The following ABLIM1 variants were observed in gnomAD, a reference collection of about 807,000 sequenced individuals.
ABLIM1 encodes actin-binding LIM protein 1.
In ABLIM1, 40 loss-of-function variants were observed where a neutral mutation model predicts 107.0. That is an observed-to-expected ratio of 0.37 (90% CI 0.29 to 0.49). ABLIM1 has a LOEUF of 0.49. Among genes scored for constraint, ABLIM1 ranks in the 20% least tolerant of loss-of-function variants. ABLIM1 has a pLI of 0.97. For missense variants in ABLIM1, 857 were observed against 1,008.5 expected (o/e 0.85, Z 2.04); for synonymous variants, 357 against 357.3 (o/e 1.00, Z 0.01).
At chr10:114,762,414 T>C (rs2082768710) in intron 1 of ABLIM1, among the ~76,000 whole-genome samples, 1 of 152,236 alleles carries the variant, frequency 6.6e-6, no homozygotes, top group Non-Finnish European at 1.5e-5. Context: ...TGAGCCCTAT[T>C]AACTAATTGC....
chr10:114,594,178 C>T (rs1263915723), intron 2 of ABLIM1, among the ~76,000 whole-genome samples: 1 of 152,164 alleles, frequency 6.6e-6, no homozygotes, highest in Non-Finnish European at 1.5e-5. Flanking sequence ...CCCAAAATAA[C>T]CCATATCCAG....
intron 2 of ABLIM1, among the ~76,000 whole-genome samples, chr10:114,595,945 T>A (rs1050855959): frequency 5.9e-5 from 9 of 152,200 alleles, no homozygotes; most frequent in African/African-American, 2.2e-4. Flanking sequence ...ACTCTGGATG[T>A]ACCATGTTAC....
At chr10:114,491,656 G>T in intron 7 of ABLIM1, 135 bp downstream of exon 7, 1 of 744,108 alleles carries the variant, frequency 1.3e-6, no homozygotes, top group Non-Finnish European at 2.2e-6. Flanking sequence ...GGTAACTTTT[G>T]GCCATAATCT....
At chr10:114,580,852 G>T (rs1181126407) in intron 2 of ABLIM1, among the ~76,000 whole-genome samples, 1 of 152,112 alleles carries the variant, frequency 6.6e-6, no homozygotes, top group Non-Finnish European at 1.5e-5. Context: ...TTTACTTTGG[G>T]TGCTCCATTA....
intron 1 of ABLIM1, among the ~76,000 whole-genome samples, chr10:114,671,620 G>A (rs977540002): frequency 1.3e-5 from 2 of 152,158 alleles, no homozygotes; most frequent in African/African-American, 2.4e-5. Context: ...CATCCTTGAC[G>A]ATACTTAGTA....
chr10:114,570,414 T>A (rs973307782), intron 4 of ABLIM1, among the ~76,000 whole-genome samples: 1 of 152,150 alleles, frequency 6.6e-6, no homozygotes, highest in African/African-American at 2.4e-5. Flanking sequence ...TGCAGCTTTT[T>A]CCCACACTTT....
At chr10:114,567,092 T>C (rs2138593181) in intron 4 of ABLIM1, among the ~76,000 whole-genome samples, 1 of 152,304 alleles carries the variant, frequency 6.6e-6, no homozygotes, top group African/African-American at 2.4e-5. Context: ...CAACACTTGG[T>C]ATAACAGGGA....
intron 1 of ABLIM1, among the ~76,000 whole-genome samples, chr10:114,641,949 C>A (rs958212608): frequency 3.3e-5 from 5 of 152,192 alleles, no homozygotes; most frequent in African/African-American, 1.2e-4. Flanking sequence ...GTGGCATGAT[C>A]ATAGCTCACT....
rs143567502 is a variant in ABLIM1, at chr10:114,588,517, C to T, written c.380-12918G>A. 6.3e-3 allele frequency among the ~76,000 whole-genome samples: 580 copies of T among 91,708 alleles called. 8 individuals carry two copies. The highest frequency in any genetic ancestry group is 0.024 in the African/African-American group (545 of 22,564). The allele number at this position is 91,708 out of a possible 152,430, so 60.2% of individuals were successfully genotyped here. A position where few individuals can be genotyped will look rare whatever the true frequency, so the allele number is the denominator to read the frequency against. ...TTTTTTTTTTTTTTTTTTTTTGAGA[C>T]AGAGTCTTGCTCTGTCTCCCAGGCT... On this transcript the variant is annotated intron_variant, in intron 2 of 22. Transcript: ENST00000533213.
chr10:114,465,449 C>T, intron 12 of ABLIM1: 3 of 346,554 alleles, frequency 8.7e-6, no homozygotes, highest in Non-Finnish European at 1.4e-5. Context: ...AAAAAAACCC[C>T]TTGCTTCCAG....
chr10:114,718,070 A>AAAGGAAGG (rs1315295272), intron 1 of ABLIM1, among the ~76,000 whole-genome samples: 3,088 of 53,958 alleles, frequency 0.057, 312 homozygotes, highest in African/African-American at 0.14. Context: ...AGAAAGGAAG[A>AAAGGAAGG]AAGGAAGGAA....
chr10:114,700,517 CAT>C (rs1202621558), intron 1 of ABLIM1, among the ~76,000 whole-genome samples: 4 of 150,460 alleles, frequency 2.7e-5, no homozygotes, highest in East Asian at 1.9e-4. Flanking sequence ...CACACACACA[CAT>C]ACACTCAAAG....
At chr10:114,606,444 C>T (rs1056888852) in intron 1 of ABLIM1, among the ~76,000 whole-genome samples, 1 of 152,050 alleles carries the variant, frequency 6.6e-6, no homozygotes, top group Admixed American at 6.5e-5. Flanking sequence ...CCATGTTGGC[C>T]AGGATGGTCT....
intron 1 of ABLIM1, among the ~76,000 whole-genome samples, chr10:114,624,772 AT>A (rs397702524): frequency 0.015 from 2,192 of 144,964 alleles, 34 homozygotes; most frequent in African/African-American, 0.044. Context: ...ATTTGTTAAG[AT>A]TTTTTTTTTT....
intron 6 of ABLIM1, among the ~76,000 whole-genome samples, chr10:114,535,938 G>A (rs1193886495): frequency 2.0e-5 from 3 of 152,108 alleles, no homozygotes; most frequent in Non-Finnish European, 4.4e-5. Flanking sequence ...AAGTCTGACA[G>A]ATTTACCAGG....
chr10:114,633,039 G>A (rs11196818), intron 1 of ABLIM1, among the ~76,000 whole-genome samples: 12,194 of 152,144 alleles, frequency 0.08, 922 homozygotes, highest in East Asian at 0.43. Flanking sequence ...ACCGGGTCCC[G>A]ACCGCATGCC....
intron 8 of ABLIM1, among the ~76,000 whole-genome samples, chr10:114,481,855 AT>A (rs1016074685): frequency 6.6e-6 from 1 of 152,260 alleles, no homozygotes; most frequent in Admixed American, 6.5e-5. Flanking sequence ...CAAAACAAAA[AT>A]CAAACACCAC....
chr10:114,445,290 G>A, intron 16 of ABLIM1, 22 bp downstream of exon 16: 5 of 1,601,030 alleles, frequency 3.1e-6, no homozygotes, highest in Non-Finnish European at 4.3e-6. Flanking sequence ...GAAGACAGCA[G>A]CAAGGTAGTT....
At chr10:114,771,807 C>T (rs1045923155), upstream of ABLIM1, among the ~76,000 whole-genome samples, 1 of 151,912 alleles carries the variant, frequency 6.6e-6, no homozygotes, top group African/African-American at 2.4e-5. Flanking sequence ...TTTATATAGA[C>T]CAAAGGGATG....
Sources: allele counts gnomAD v4.1 joint callset (sites outside exome capture counted in the v4.1 genomes callset), GRCh38; gene constraint gnomAD v4.1.1; transcripts MANE v1.5; gene names NCBI Gene and HGNC (gene_info 2026-07-23, HGNC 2026-07-21).